The following ADAM23 variants were observed in gnomAD, a reference collection of about 807,000 sequenced individuals.
ADAM23 encodes disintegrin and metalloproteinase domain-containing protein 23.
ADAM23 carries 33 observed loss-of-function variants against 120.1 expected under a neutral mutation model. The ratio of observed to expected loss-of-function variants is 0.27; its 90% CI spans 0.21 to 0.37. The LOEUF (loss-of-function observed/expected upper bound fraction) is 0.37. Ranked by LOEUF, ADAM23 falls within the 10% of genes least tolerant of loss-of-function variation. The pLI, the probability that ADAM23 is intolerant of heterozygous loss-of-function variation, is 1.00. For synonymous variants in ADAM23, 367 were observed against 375.2 expected, an observed-to-expected ratio of 0.98 and a Z score of 0.25; for missense variants, 862 against 1,058.2, an observed-to-expected ratio of 0.81 and a Z score of 2.57.
At chr2:206,530,064 C>A (rs965789345) in intron 3 of ADAM23, among the ~76,000 whole-genome samples, 6 of 152,200 alleles carry the variant, frequency 3.9e-5, no homozygotes, top group Non-Finnish European at 7.3e-5. Flanking sequence ...CCGCCTCAGC[C>A]TCCCAGAGTG....
chr2:206,446,466 A>G (rs1695084147), intron 2 of ADAM23, among the ~76,000 whole-genome samples: 1 of 152,202 alleles, frequency 6.6e-6, no homozygotes, highest in Admixed American at 6.5e-5. Flanking sequence ...TCTAGAATTT[A>G]AGAAAGTATC....
intron 3 of ADAM23, among the ~76,000 whole-genome samples, chr2:206,502,026 A>T (rs1353623028): frequency 6.6e-6 from 1 of 152,176 alleles, no homozygotes; most frequent in African/African-American, 2.4e-5. Context: ...ATTAATTTGT[A>T]TCTGGTTGCA....
At chr2:206,581,756 G>GT (rs1698222348) in intron 18 of ADAM23, among the ~76,000 whole-genome samples, 1 of 152,196 alleles carries the variant, frequency 6.6e-6, no homozygotes, top group African/African-American at 2.4e-5. Context: ...AAGGTATGGT[G>GT]TAAATCCATT....
At chr2:206,544,371 A>G (rs912413266) in intron 6 of ADAM23, among the ~76,000 whole-genome samples, 5 of 152,174 alleles carry the variant, frequency 3.3e-5, no homozygotes, top group Admixed American at 2.6e-4. Context: ...ATAGAATGCA[A>G]TCAAATTTAA....
chr2:206,539,478 A>G (rs1256822259), intron 4 of ADAM23, among the ~76,000 whole-genome samples: 4 of 152,260 alleles, frequency 2.6e-5, no homozygotes, highest in South Asian at 2.1e-4. Context: ...GGACTTGAGA[A>G]CCTGAAGATG....
chr2:206,495,145 AG>A (rs1696213291), intron 3 of ADAM23, among the ~76,000 whole-genome samples: 1 of 152,306 alleles, frequency 6.6e-6, no homozygotes. Flanking sequence ...GGAAAAATAG[AG>A]AACGCCACAA....
At chr2:206,573,804 G>T (rs1194147386) in intron 18 of ADAM23, among the ~76,000 whole-genome samples, 2 of 151,948 alleles carry the variant, frequency 1.3e-5, no homozygotes, top group African/African-American at 4.8e-5. Flanking sequence ...GTTACTGTAG[G>T]ATGTATTTTA....
At chr2:206,535,187 A>G (rs1697145791) in intron 4 of ADAM23, among the ~76,000 whole-genome samples, 1 of 152,190 alleles carries the variant, frequency 6.6e-6, no homozygotes, top group South Asian at 2.1e-4. Context: ...GCTCTATAAT[A>G]AATGAAGGTG....
intron 19 of ADAM23, 138 bp downstream of exon 19, chr2:206,587,513 G>C: frequency 1.7e-6 from 1 of 593,826 alleles, no homozygotes; most frequent in Non-Finnish European, 2.8e-6. Flanking sequence ...TTCTAATTTA[G>C]AGTTGCTTCA....
chr2:206,502,199 A>G (rs563432096), intron 3 of ADAM23, among the ~76,000 whole-genome samples: 1 of 152,278 alleles, frequency 6.6e-6, no homozygotes, highest in African/African-American at 2.4e-5. Flanking sequence ...TCCAAATGCG[A>G]TTGAAAACAG....
chr2:206,508,655 CAAAAAAAAAAAAA>C lies in ADAM23; in HGVS notation c.510-22225_510-22213del, dbSNP rs34489352. On this transcript the variant is annotated intron_variant, in intron 3 of 25. Transcript: ENST00000264377. ...TGGACTGAGACTGAGACTCTGTCTC[CAAAAAAAAAAAAA>C]AAAAGAAAGAAAAAGAAGAAAGAAA... is the stretch of plus-strand genomic sequence containing the variant. Among the ~76,000 whole-genome samples, 300 of 100,896 alleles carry C rather than the reference CAAAAAAAAAAAAA, an allele frequency of 3.0e-3. 1 individual carries two copies. The highest frequency in any genetic ancestry group is 5.3e-3 in the Non-Finnish European group (258 of 48,722). 66.2% of individuals were successfully genotyped at this position (100,896 alleles called of 152,430 possible).
At chr2:206,548,184 T>A (rs888678958) in intron 7 of ADAM23, 97 bp from the exon 8 acceptor site, 2 of 1,092,842 alleles carry the variant, frequency 1.8e-6, no homozygotes, top group Non-Finnish European at 2.7e-6. Flanking sequence ...TAGTTTGACA[T>A]ATATTATCAG....
intron 2 of ADAM23, among the ~76,000 whole-genome samples, chr2:206,455,639 C>T (rs1695282808): frequency 6.6e-6 from 1 of 152,178 alleles, no homozygotes; most frequent in Non-Finnish European, 1.5e-5. Flanking sequence ...CATATGGGCA[C>T]ATACTTTTAG....
intron 15 of ADAM23, 46 bp downstream of exon 15, chr2:206,567,368 GT>G (rs1463874786): frequency 1.3e-6 from 2 of 1,487,686 alleles, no homozygotes; most frequent in Non-Finnish European, 9.4e-7. Context: ...TATTTCTCCA[GT>G]GTTTTACAGT....
At chr2:206,537,367 T>A (rs752207953) in intron 4 of ADAM23, among the ~76,000 whole-genome samples, 2 of 152,092 alleles carry the variant, frequency 1.3e-5, no homozygotes, top group African/African-American at 2.4e-5. Flanking sequence ...GTAGGGTTGA[T>A]GCAGAGTGGA....
At chr2:206,498,973 G>A (rs369497584) in intron 3 of ADAM23, among the ~76,000 whole-genome samples, 136 of 152,190 alleles carry the variant, frequency 8.9e-4, no homozygotes, top group Admixed American at 1.6e-3. Context: ...TTAGAATGGC[G>A]ATCATTAAAA....
At chr2:206,515,679 TAA>T (rs1696715383) in intron 3 of ADAM23, among the ~76,000 whole-genome samples, 1 of 152,182 alleles carries the variant, frequency 6.6e-6, no homozygotes, top group Admixed American at 6.5e-5. Context: ...TTTTCCTTTC[TAA>T]GTTTTACTGT....
At chr2:206,585,486 T>A (rs1698303892) in intron 18 of ADAM23, among the ~76,000 whole-genome samples, 1 of 152,196 alleles carries the variant, frequency 6.6e-6, no homozygotes, top group Non-Finnish European at 1.5e-5. Context: ...AACCAAAGCA[T>A]TTGCCTTGGA....
intron 25 of ADAM23, among the ~76,000 whole-genome samples, chr2:206,617,363 A>G (rs1443886248): frequency 1.1e-4 from 17 of 152,204 alleles, no homozygotes; most frequent in Admixed American, 1.1e-3. Flanking sequence ...TCACCAAAGG[A>G]CATACTCTAG....
Sources: allele counts gnomAD v4.1 joint callset (sites outside exome capture counted in the v4.1 genomes callset), GRCh38; gene constraint gnomAD v4.1.1; transcripts MANE v1.5; gene names NCBI Gene and HGNC (gene_info 2026-07-23, HGNC 2026-07-21).